SEPTIN9: variants seen among roughly 807,000 people sequenced by gnomAD.
SEPTIN9 encodes the protein septin 9, also known as septin-9.
In SEPTIN9, 13 loss-of-function variants were observed where a neutral mutation model predicts 56.6. The ratio of observed to expected loss-of-function variants is 0.23; its 90% CI spans 0.15 to 0.37. SEPTIN9 has a LOEUF of 0.37. Among genes scored for constraint, SEPTIN9 ranks in the 10% least tolerant of loss-of-function variants. SEPTIN9 has a pLI of 1.00. For synonymous variants in SEPTIN9, 332 were observed against 334.1 expected, an observed-to-expected ratio of 0.99 and a Z score of 0.07; for missense variants, 650 against 823.1, an observed-to-expected ratio of 0.79 and a Z score of 2.57.
intron 3 of SEPTIN9, chr17:77,454,275 G>T: frequency 4.1e-6 from 4 of 985,572 alleles, no homozygotes; most frequent in Non-Finnish European, 4.8e-6. Flanking sequence ...GGGACTTGTG[G>T]CCCTTGGCTG....
In SEPTIN9 at chr17:77,425,741, G is replaced by A. The variant is rs991297909; in HGVS notation, c.721+23038G>A. Among the ~76,000 whole-genome samples, 5 of 150,966 alleles carry A rather than the reference G, an allele frequency of 3.3e-5. No homozygotes were observed. The highest frequency in any genetic ancestry group is 9.8e-5 in the African/African-American group (4 of 40,850). On this transcript the variant is annotated intron_variant, in intron 3 of 11. Transcript: ENST00000427177. This position sits in a 1 kb window ranked among gnomAD's most constrained non-coding sequence, Gnocchi z 4.2. ...GGAGGCTAAGAGGAAGCTGCCCCCC[G>A]CTCATCTACCCCCCAACCCTCCCAG...
At chr17:77,296,086 T>TC (rs1401899686) in intron 1 of SEPTIN9, among the ~76,000 whole-genome samples, 1 of 133,774 alleles carries the variant, frequency 7.5e-6, no homozygotes, top group Non-Finnish European at 1.6e-5. Context: ...AGATCTCTCC[T>TC]CCCCCCTCAC....
At chr17:77,295,421 G>A (rs1039418115) in intron 1 of SEPTIN9, among the ~76,000 whole-genome samples, 1 of 151,830 alleles carries the variant, frequency 6.6e-6, no homozygotes. Context: ...GGCAGGAGCT[G>A]GAACTACACA....
At chr17:77,370,098 C>G (rs769941296) in intron 2 of SEPTIN9, among the ~76,000 whole-genome samples, 3 of 152,324 alleles carry the variant, frequency 2.0e-5, no homozygotes, top group Middle Eastern at 3.4e-3. Flanking sequence ...GCTTTGACCT[C>G]AAGGCATGAT....
At chr17:77,454,544 G>C (rs1392917398) in intron 3 of SEPTIN9, 3 of 200,498 alleles carry the variant, frequency 1.5e-5, no homozygotes, top group Non-Finnish European at 2.7e-5. Flanking sequence ...CCAGGAAGCA[G>C]CGGAGATCCT....
rs562428244 is a variant in SEPTIN9, at chr17:77,466,107, C to G, written c.722-16037C>G. Among the ~76,000 whole-genome samples, 48 of 138,090 alleles carry G rather than the reference C, an allele frequency of 3.5e-4. No homozygotes were observed. In the East Asian group the frequency reaches 0.01, roughly 30 times the overall value. 90.6% of individuals were successfully genotyped at this position (138,090 alleles called of 152,430 possible). A position where few individuals can be genotyped will look rare whatever the true frequency, so the allele number is the denominator to read the frequency against. ...ACACACACACACACACACACACACACGAGTAAACTGTAACACAAATGTGTG... is the reference window on the plus strand; with the variant it reads ...ACACACACACACACACACACACACAGGAGTAAACTGTAACACAAATGTGTG... On this transcript the variant is annotated intron_variant, in intron 3 of 11. Transcript: ENST00000427177.
At chr17:77,477,243 A>G (rs1271777647) in intron 3 of SEPTIN9, among the ~76,000 whole-genome samples, 6 of 152,152 alleles carry the variant, frequency 3.9e-5, no homozygotes, top group Middle Eastern at 3.4e-3. Flanking sequence ...TTCTATAAGC[A>G]TCACCTCTAA....
rs1245768734 is a variant in SEPTIN9, at chr17:77,499,331, C to T, written c.*673C>T. 1.7e-6 allele frequency: 1 copy of T among 595,550 alleles called. No homozygotes were observed. The highest frequency in any genetic ancestry group is 3.2e-6 in the Non-Finnish European group (1 of 308,126). The allele number at this position is 595,550 out of a possible 1,614,324, so 36.9% of individuals were successfully genotyped here. A position where few individuals can be genotyped will look rare whatever the true frequency, so the allele number is the denominator to read the frequency against. ...CAGACTGCTTGGCCAGATGCGGGGA[C>T]AGGCTGGAATGAGGGAGGCGTCTTC... On this transcript the variant is annotated 3_prime_UTR_variant, in exon 12 of 12. Coordinates refer to ENST00000427177, the MANE Select transcript of SEPTIN9 (RefSeq NM_001113491.2).
Position 77,302,841 on chromosome 17 carries a change from A to T in SEPTIN9, c.20-4300A>T, listed in dbSNP as rs559618560. ...GTTGACCTGGTCTCCACTACTGGAA[A>T]GGGGCTGTGCTGCTGGTGCCCTGAG... On this transcript the variant is annotated intron_variant, in intron 1 of 11. Coordinates refer to ENST00000427177, the MANE Select transcript of SEPTIN9 (RefSeq NM_001113491.2). Among the ~76,000 whole-genome samples the T allele has an allele frequency of 2.0e-3, 300 of 152,208 alleles. 1 individual carries two copies. Among genetic ancestry groups the T allele is most frequent in the Non-Finnish European group, 3.0e-3 (202 of 68,008 alleles).
In SEPTIN9 at chr17:77,475,952, G is replaced by A. The variant is rs1386015747; in HGVS notation, c.722-6192G>A. ...GGTCCGTGCTCTGAGAGCCAGGTGT[G>A]GGTTGGGTTTGGGGAAGACAGGGGA... On this transcript the variant is annotated intron_variant, in intron 3 of 11. Transcript: ENST00000427177. This position sits in a 1 kb window ranked among gnomAD's most constrained non-coding sequence, Gnocchi z 4.6. The A allele has an allele frequency of 6.4e-7, 1 of 1,572,332 alleles. No homozygotes were observed. Among genetic ancestry groups the A allele is most frequent in the Admixed American group, 1.7e-5 (1 of 58,068 alleles).
intron 3 of SEPTIN9, among the ~76,000 whole-genome samples, chr17:77,457,149 A>T (rs1238960649): frequency 1.3e-5 from 2 of 152,016 alleles, no homozygotes; most frequent in Non-Finnish European, 2.9e-5. Flanking sequence ...TGAGATGGGG[A>T]CGGCTGCACA....
At chr17:77,304,915 A>G (rs2143583318) in intron 1 of SEPTIN9, among the ~76,000 whole-genome samples, 1 of 152,226 alleles carries the variant, frequency 6.6e-6, no homozygotes, top group South Asian at 2.1e-4. Context: ...TGGAGGGTCC[A>G]GGCTCACTGT....
rs1243571141 is a variant in SEPTIN9, at chr17:77,402,209, G to A, written c.227G>A (p.Arg76His). ...LGVKNSEPSARHVDSLSQRSP... is the reference protein window; with the variant it reads ...LGVKNSEPSAHHVDSLSQRSP... ...GTGAAGAACTCAGAACCCTCGGCCC[G>A]CCATGTGGACTCCCTAAGCCAACGC... The change falls in exon 3 of 12, where the codon CGC becomes CAC. Residue 76 changes from arginine to histidine, a missense_variant. By Grantham distance (29) the Arg-to-His change is conservative. This residue lies in a region of SEPTIN9 where 317 missense variants were observed against 329.1 expected (regional missense o/e 0.96). Coordinates refer to ENST00000427177, the MANE Select transcript of SEPTIN9 (RefSeq NM_001113491.2). The surrounding 1 kb of genome is among the most constrained non-coding windows in gnomAD (Gnocchi z 6.6). The A allele has an allele frequency of 4.3e-6, 7 of 1,613,424 alleles. No homozygotes were observed. In the East Asian group the frequency reaches 8.9e-5, roughly 21 times the overall value.
intron 2 of SEPTIN9, among the ~76,000 whole-genome samples, chr17:77,333,486 C>G (rs2033436592): frequency 6.6e-6 from 1 of 152,182 alleles, no homozygotes; most frequent in Non-Finnish European, 1.5e-5. Context: ...CTCTGCCTCC[C>G]CAAGAGCCGG....
chr17:77,415,141 T>C (rs2036452896), intron 3 of SEPTIN9, among the ~76,000 whole-genome samples: 1 of 151,702 alleles, frequency 6.6e-6, no homozygotes, highest in African/African-American at 2.4e-5. Context: ...CACTAGATCG[T>C]TTTCTTGGCC....
intron 4 of SEPTIN9, among the ~76,000 whole-genome samples, chr17:77,486,782 G>A (rs1032450982): frequency 1.3e-4 from 20 of 152,240 alleles, no homozygotes; most frequent in Admixed American, 1.1e-3. Flanking sequence ...ACTGTCCCTC[G>A]AGTGGCACCA....
Position 77,482,144 on chromosome 17 carries a change from C to T in SEPTIN9, c.722C>T (p.Ala241Val). The T allele has an allele frequency of 6.4e-7, 1 of 1,565,240 alleles. No individual in the cohort carries two copies. Among genetic ancestry groups the T allele is most frequent in the Non-Finnish European group, 8.7e-7 (1 of 1,156,022 alleles). Reference sequence around the variant, plus strand: ...AACTCCTCTGCTGTTCCTTCCCCAGCCACTGAGGCGGCTCCCAGCTGCGTT... The same window carrying T: ...AACTCCTCTGCTGTTCCTTCCCCAGTCACTGAGGCGGCTCCCAGCTGCGTT... ...VAEATPRSQE[A>V]TEAAPSCVGD... The change falls in exon 4 of 12, where the codon GCC (alanine) becomes GTC (valine). Residue 241 changes from alanine to valine, a missense_variant and splice_region_variant. Coordinates refer to ENST00000427177, the MANE Select transcript of SEPTIN9 (RefSeq NM_001113491.2).
At chr17:77,316,512 TGCACA>T (rs2032712245) in intron 2 of SEPTIN9, among the ~76,000 whole-genome samples, 1 of 152,184 alleles carries the variant, frequency 6.6e-6, no homozygotes, top group Non-Finnish European at 1.5e-5. Context: ...ACCCATAGTG[TGCACA>T]GCGTGCAGGA....
chr17:77,334,387 A>C (rs1213684255), intron 2 of SEPTIN9, among the ~76,000 whole-genome samples: 1 of 145,488 alleles, frequency 6.9e-6, no homozygotes, highest in African/African-American at 2.6e-5. Flanking sequence ...GCACCACTGC[A>C]CTCCAGCCTA....
Sources: allele counts gnomAD v4.1 joint callset (sites outside exome capture counted in the v4.1 genomes callset), GRCh38; gene constraint gnomAD v4.1.1; regional missense constraint gnomAD v4.1.1; non-coding constraint Gnocchi (gnomAD v3.1); transcripts MANE v1.5; gene names NCBI Gene and HGNC (gene_info 2026-07-23, HGNC 2026-07-21).